The following ATF7IP variants were observed in gnomAD, a reference collection of about 807,000 sequenced individuals.
The protein encoded by ATF7IP is activating transcription factor 7-interacting protein 1.
Under a neutral mutation model 106.4 loss-of-function variants are expected in ATF7IP, and 23 were observed. The observed-to-expected ratio is 0.22, with a 90% confidence interval of 0.16 to 0.31. The LOEUF is 0.31. Among genes scored for constraint, ATF7IP ranks in the 10% least tolerant of loss-of-function variants. The pLI is 1.00. For synonymous variants in ATF7IP, 542 were observed against 539.0 expected (o/e 1.01, Z -0.08); for missense variants, 1,334 against 1,524.3 (o/e 0.88, Z 2.08).
intron 2 of ATF7IP, among the ~76,000 whole-genome samples, chr12:14,428,927 TACTC>T (rs531031727): frequency 8.1e-4 from 124 of 152,340 alleles, no homozygotes; most frequent in Middle Eastern, 3.4e-3. Flanking sequence ...TTATAACTAA[TACTC>T]ACTAATTATT....
chr12:14,462,893 C>G (rs1051601417), intron 9 of ATF7IP, among the ~76,000 whole-genome samples: 5 of 151,708 alleles, frequency 3.3e-5, no homozygotes, highest in African/African-American at 1.2e-4. Context: ...TTTCAAGTTC[C>G]ATTTAGAATG....
At chr12:14,429,862 A>G (rs923690365) in intron 2 of ATF7IP, among the ~76,000 whole-genome samples, 1 of 152,222 alleles carries the variant, frequency 6.6e-6, no homozygotes, top group Non-Finnish European at 1.5e-5. Context: ...GAGGAAGACC[A>G]AAGATGAAGT....
intron 5 of ATF7IP, among the ~76,000 whole-genome samples, chr12:14,445,707 C>T (rs1266697200): frequency 2.0e-5 from 3 of 152,104 alleles, no homozygotes; most frequent in Non-Finnish European, 4.4e-5. Context: ...TTTGGGTTCT[C>T]CTCTAGAAGT....
chr12:14,460,691 G>C lies in ATF7IP; in HGVS notation c.2355G>C (p.Leu785Phe). ...TISLQPLPVI[L>F]HVPVAVSSQP... Reference sequence around the variant, plus strand: ...CTTTACAGCCTTTGCCAGTGATTTTGCATGTACCTGTTGCAGTATCCTCCC... The same window carrying C: ...CTTTACAGCCTTTGCCAGTGATTTTCCATGTACCTGTTGCAGTATCCTCCC... The change falls in exon 9 of 15, where the codon TTG (leucine) becomes TTC (phenylalanine). Residue 785 changes from leucine to phenylalanine, a missense_variant. Leu to Phe is a conservative substitution (Grantham distance 22). Transcript: ENST00000261168. The C allele has an allele frequency of 6.2e-7, 1 of 1,614,174 alleles. No homozygotes were observed. Among genetic ancestry groups the C allele is most frequent in the South Asian group, 1.1e-5 (1 of 91,090 alleles).
At position 14,424,490 on chromosome 12, in the gene ATF7IP, G is replaced by A. The variant is rs1375461507; in HGVS notation, c.575G>A (p.Gly192Asp). The A allele has an allele frequency of 1.2e-6, 2 of 1,614,044 alleles. No individual in the cohort carries two copies. The highest frequency in any genetic ancestry group is 2.2e-5 in the East Asian group (1 of 44,872). The change falls in exon 2 of 15, where the codon GGT (glycine) becomes GAT (aspartate). Residue 192 changes from glycine to aspartate, a missense_variant. Around this residue, in one of 10 missense-constraint regions of ATF7IP, gnomAD observed 438 missense variants for 405.3 expected, o/e 1.08. Transcript: ENST00000261168. ...GDVSPGDATS[G>D]DATADDLSSG... ...GTGTCCCCTGGTGATGCCACCTCTG[G>A]TGATGCCACTGCTGATGATCTCTCC...
In ATF7IP at chr12:14,424,847, A is replaced by T; in HGVS notation, c.932A>T (p.Asn311Ile). The T allele has an allele frequency of 6.2e-7, 1 of 1,613,372 alleles. No individual in the cohort carries two copies. The change falls in exon 2 of 15, where the codon AAT (asparagine) becomes ATT (isoleucine). Residue 311 changes from asparagine to isoleucine, a missense_variant. Coordinates refer to ENST00000261168, the MANE Select transcript of ATF7IP (RefSeq NM_018179.5). ...ATTGACAATATAGAACCAAGTAGCA[A>T]TAAAGATGATGATTTTCTTGAAAAA... is the stretch of plus-strand genomic sequence containing the variant. ...PEIDNIEPSS[N>I]KDDDFLEKNG...
intron 13 of ATF7IP, among the ~76,000 whole-genome samples, chr12:14,489,873 A>G (rs1287702968): frequency 6.6e-6 from 1 of 152,208 alleles, no homozygotes; most frequent in Non-Finnish European, 1.5e-5. Flanking sequence ...TAGTCTTGGC[A>G]GAAGCATTGT....
Position 14,471,168 on chromosome 12 carries a change from C to T in ATF7IP, c.2862+4578C>T, listed in dbSNP as rs908731838. Among the ~76,000 whole-genome samples, 3 of 152,052 alleles carry T rather than the reference C, an allele frequency of 2.0e-5. 1 individual carries two copies. The South Asian group carries it at 6.2e-4, about 31-fold the overall frequency. ...CCTCTGTATGACTTTGTTACTTTTACACAAATTAAATATGTGTTATAAAGC... is the reference window on the plus strand; with the variant it reads ...CCTCTGTATGACTTTGTTACTTTTATACAAATTAAATATGTGTTATAAAGC... On this transcript the variant is annotated intron_variant, in intron 10 of 14. Transcript: ENST00000261168.
At chr12:14,374,794 A>T (rs1014921742) in intron 1 of ATF7IP, among the ~76,000 whole-genome samples, 1 of 152,192 alleles carries the variant, frequency 6.6e-6, no homozygotes, top group Non-Finnish European at 1.5e-5. Context: ...TGGCACCCAC[A>T]TAGTATGCCT....
At chr12:14,427,023 C>T (rs117086998) in intron 2 of ATF7IP, among the ~76,000 whole-genome samples, 1 of 152,162 alleles carries the variant, frequency 6.6e-6, no homozygotes, top group Non-Finnish European at 1.5e-5. Flanking sequence ...GTTAAATTGG[C>T]ATTCTGGGAG....
At chr12:14,432,115 C>T (rs1001650642) in intron 2 of ATF7IP, among the ~76,000 whole-genome samples, 2 of 152,066 alleles carry the variant, frequency 1.3e-5, no homozygotes, top group African/African-American at 2.4e-5. Flanking sequence ...AACTAACATG[C>T]GTATAAAAGA....
chr12:14,404,035 G>T (rs1473020367), intron 1 of ATF7IP, among the ~76,000 whole-genome samples: 1 of 151,456 alleles, frequency 6.6e-6, no homozygotes, highest in African/African-American at 2.4e-5. Context: ...TTTTTTAAAT[G>T]CAGAGTCAGT....
chr12:14,423,829 C>T (rs1941674920), intron 1 of ATF7IP, 80 bp from the exon 2 acceptor site: 6 of 1,451,186 alleles, frequency 4.1e-6, no homozygotes, highest in Middle Eastern at 2.2e-4. Context: ...TGCATCTCTT[C>T]TAAGATCAAT....
At chr12:14,482,961 T>C (rs992010446) in intron 13 of ATF7IP, among the ~76,000 whole-genome samples, 1 of 152,192 alleles carries the variant, frequency 6.6e-6, no homozygotes, top group Admixed American at 6.5e-5. Context: ...AGTCAATAAA[T>C]CTTATGTTAC....
chr12:14,478,050 T>C lies in ATF7IP; in HGVS notation c.2942-267T>C, dbSNP rs77013139. 8.1e-3 allele frequency among the ~76,000 whole-genome samples: 1,234 copies of C among 152,290 alleles called. 30 individuals are homozygous for C. The highest frequency in any genetic ancestry group is 0.028 in the African/African-American group (1,181 of 41,548). Reference sequence around the variant, plus strand: ...GTAATGAGTTATTCTAGTTGACATATTGTACTGATTTACAAGTAAGATTAT... The same window carrying C: ...GTAATGAGTTATTCTAGTTGACATACTGTACTGATTTACAAGTAAGATTAT... On this transcript the variant is annotated intron_variant, in intron 11 of 14. Coordinates refer to ENST00000261168, the MANE Select transcript of ATF7IP (RefSeq NM_018179.5).
intron 11 of ATF7IP, 76 bp downstream of exon 11, chr12:14,476,044 A>G: frequency 9.8e-7 from 1 of 1,018,146 alleles, no homozygotes; most frequent in Non-Finnish European, 1.5e-6. Context: ...GTATTCTACA[A>G]AGACAGATGT....
chr12:14,495,138 T>C (rs1057335738), intron 13 of ATF7IP, among the ~76,000 whole-genome samples: 10 of 152,074 alleles, frequency 6.6e-5, no homozygotes, highest in African/African-American at 2.4e-4. Context: ...CTTTATATTT[T>C]CTGGCAGCTG....
intron 1 of ATF7IP, among the ~76,000 whole-genome samples, chr12:14,380,674 G>A (rs911708741): frequency 6.6e-6 from 1 of 152,154 alleles, no homozygotes; most frequent in Non-Finnish European, 1.5e-5. Flanking sequence ...AGGCCAGAGT[G>A]CACTGGCACA....
At position 14,460,605 on chromosome 12, in the gene ATF7IP, A is replaced by G. The variant is rs971982742; in HGVS notation, c.2269A>G (p.Asn757Asp). Reference sequence around the variant, plus strand: ...AGCAACGTCAGTTCTTCCTGCACCCAATACAGCTACTGTAGTTGCTACTAC... The same window carrying G: ...AGCAACGTCAGTTCTTCCTGCACCCGATACAGCTACTGTAGTTGCTACTAC... ...LTATSVLPAP[N>D]TATVVATTQV... Residue 757 changes from asparagine (N) to aspartate (D), a missense_variant, in exon 9 of 15, where the codon AAT (asparagine) becomes GAT (aspartate). Transcript: ENST00000261168. 2.5e-6 allele frequency: 4 copies of G among 1,614,062 alleles called. No homozygotes were observed. The highest frequency in any genetic ancestry group is 2.5e-6 in the Non-Finnish European group (3 of 1,180,034).
Sources: allele counts gnomAD v4.1 joint callset (sites outside exome capture counted in the v4.1 genomes callset), GRCh38; gene constraint gnomAD v4.1.1; regional missense constraint gnomAD v4.1.1; transcripts MANE v1.5; gene names NCBI Gene and HGNC (gene_info 2026-07-23, HGNC 2026-07-21).